The following VWA3B variants were observed in gnomAD, a reference collection of about 807,000 sequenced individuals.
The protein encoded by VWA3B is von Willebrand factor A domain-containing protein 3B.
VWA3B carries 138 observed loss-of-function variants against 158.3 expected under a neutral mutation model. The ratio of observed to expected loss-of-function variants is 0.87; its 90% CI spans 0.76 to 1.00. VWA3B has a LOEUF of 1.00. Among genes scored for constraint, VWA3B ranks in the 50% least tolerant of loss-of-function variants. VWA3B has a pLI of 0.00. For missense variants in VWA3B, 1,555 were observed against 1,565.1 expected, an observed-to-expected ratio of 0.99 and a Z score of 0.11; for synonymous variants, 596 against 587.3, an observed-to-expected ratio of 1.01 and a Z score of -0.21.
At chr2:98,150,484 T>C (rs1031356) in intron 7 of VWA3B, among the ~76,000 whole-genome samples, 37 of 152,374 alleles carry the variant, frequency 2.4e-4, no homozygotes, top group Non-Finnish European at 4.3e-4. Context: ...CTCAGGTTCA[T>C]AGCACCTGCT....
chr2:98,325,127 T>A, the VWA3B span, among the ~76,000 whole-genome samples: 1 of 152,154 alleles, frequency 6.6e-6, no homozygotes, highest in Non-Finnish European at 1.5e-5. Flanking sequence ...GGAGAAATAA[T>A]GGCTGTAAAT....
intron 14 of VWA3B, among the ~76,000 whole-genome samples, chr2:98,222,081 G>T (rs1684555747): frequency 6.6e-6 from 1 of 152,040 alleles, no homozygotes; most frequent in African/African-American, 2.4e-5. Flanking sequence ...CCCCCACGGT[G>T]GTCCTCCCCA....
intron 7 of VWA3B, among the ~76,000 whole-genome samples, chr2:98,136,002 T>A (rs889645610): frequency 6.6e-6 from 1 of 152,194 alleles, no homozygotes; most frequent in African/African-American, 2.4e-5. Context: ...ACTTCTTACA[T>A]TATTTCCCCC....
At chr2:98,322,344 A>G in the VWA3B span, among the ~76,000 whole-genome samples, 2 of 152,246 alleles carry the variant, frequency 1.3e-5, no homozygotes, top group Non-Finnish European at 2.9e-5. Context: ...GCAACAAAAA[A>G]CTATAGCCTA....
chr2:98,138,719 G>A (rs1676481824), intron 7 of VWA3B, among the ~76,000 whole-genome samples: 1 of 152,212 alleles, frequency 6.6e-6, no homozygotes, highest in Non-Finnish European at 1.5e-5. Flanking sequence ...GGCCCTTGGT[G>A]CAGCTACTTG....
Position 98,224,753 on chromosome 2 carries a change from TA to T in VWA3B, c.2020-3436del, listed in dbSNP as rs35784294. Among the ~76,000 whole-genome samples the T allele has an allele frequency of 2.7e-3, 400 of 146,200 alleles. 1 individual carries two copies. The highest frequency in any genetic ancestry group is 7.7e-3 in the African/African-American group (306 of 39,970). On this transcript the variant is annotated intron_variant, in intron 14 of 27. Transcript: ENST00000477737. The stretch of plus-strand genomic sequence containing the variant: ...AAAGACAGATACTGGCAGTGTGAAT[TA>T]AAAAAAAAAAAAGAACACAACCAAA...
intron 19 of VWA3B, among the ~76,000 whole-genome samples, chr2:98,237,139 G>T (rs949224366): frequency 3.9e-5 from 6 of 152,346 alleles, no homozygotes; most frequent in African/African-American, 1.4e-4. Flanking sequence ...TTGCGTCACC[G>T]CATTCCAGCC....
At chr2:98,113,816 T>G (rs935272025) in intron 2 of VWA3B, among the ~76,000 whole-genome samples, 2 of 152,224 alleles carry the variant, frequency 1.3e-5, no homozygotes, top group Non-Finnish European at 2.9e-5. Flanking sequence ...TTAAGGTTCA[T>G]CCATGTTGTA....
intron 11 of VWA3B, among the ~76,000 whole-genome samples, chr2:98,194,059 G>A (rs1681823151): frequency 6.6e-6 from 1 of 152,004 alleles, no homozygotes; most frequent in Non-Finnish European, 1.5e-5. Flanking sequence ...TATCCTTAAT[G>A]TTAGTATTAA....
intron 23 of VWA3B, among the ~76,000 whole-genome samples, chr2:98,293,924 C>G (rs567995574): frequency 6.6e-6 from 1 of 152,184 alleles, no homozygotes; most frequent in African/African-American, 2.4e-5. Flanking sequence ...GTCTCTAGCC[C>G]TCTTTGATCT....
chr2:98,220,350 T>C (rs1195904337), intron 14 of VWA3B, among the ~76,000 whole-genome samples: 2 of 151,896 alleles, frequency 1.3e-5, no homozygotes, highest in Non-Finnish European at 2.9e-5. Context: ...CATAGGTAAA[T>C]ATGTAAAAAA....
At chr2:98,192,720 G>T (rs1312150104) in intron 10 of VWA3B, among the ~76,000 whole-genome samples, 178 bp from the exon 11 acceptor site, 1 of 152,198 alleles carries the variant, frequency 6.6e-6, no homozygotes, top group Non-Finnish European at 1.5e-5. Flanking sequence ...GCATCCTACA[G>T]CCCAAATGTA....
At chr2:98,102,407 C>T (rs1683146871) in intron 2 of VWA3B, among the ~76,000 whole-genome samples, 3 of 152,102 alleles carry the variant, frequency 2.0e-5, no homozygotes. Flanking sequence ...GTTGGGTACA[C>T]CTGCAGAAAG....
chr2:98,126,985 G>C (rs1392012270), intron 5 of VWA3B, among the ~76,000 whole-genome samples: 2 of 133,314 alleles, frequency 1.5e-5, no homozygotes, highest in Non-Finnish European at 3.1e-5. Context: ...CCACCCTCCC[G>C]GCCAGGTGCA....
At chr2:98,325,719 T>G in the VWA3B span, among the ~76,000 whole-genome samples, 14 of 152,270 alleles carry the variant, frequency 9.2e-5, no homozygotes, top group East Asian at 1.4e-3. Context: ...TAGGAACACG[T>G]GGAGGGGTGA....
chr2:98,170,750 G>A (rs972094761), intron 8 of VWA3B, among the ~76,000 whole-genome samples: 1 of 152,052 alleles, frequency 6.6e-6, no homozygotes, highest in Non-Finnish European at 1.5e-5. Flanking sequence ...GGGACTACAG[G>A]TGTGCGCCAC....
At chr2:98,168,376 T>TACACACACACACACAC in intron 8 of VWA3B, among the ~76,000 whole-genome samples, 1 of 145,520 alleles carries the variant, frequency 6.9e-6, no homozygotes, top group African/African-American at 2.6e-5. Flanking sequence ...TACACACACA[T>TACACACACACACACAC]ACACACACAC....
intron 12 of VWA3B, among the ~76,000 whole-genome samples, chr2:98,196,537 C>A (rs1394180908): frequency 2.0e-5 from 3 of 152,064 alleles, no homozygotes; most frequent in African/African-American, 7.2e-5. Flanking sequence ...AGCAGTAGGT[C>A]CCCAAACAAG....
At chr2:98,108,913 G>A (rs1573781900) in intron 2 of VWA3B, among the ~76,000 whole-genome samples, 2 of 149,498 alleles carry the variant, frequency 1.3e-5, no homozygotes, top group South Asian at 4.2e-4. Flanking sequence ...TTTTTGGCTT[G>A]TCTGTTTTTT....
Sources: gnomAD v4.1 joint callset for allele counts (sites outside exome capture counted in the v4.1 genomes callset) on GRCh38, gnomAD v4.1.1 for gene constraint, MANE v1.5 for transcripts, NCBI Gene and HGNC (gene_info 2026-07-23, HGNC 2026-07-21) for gene names.